KPNA6: variants seen among roughly 807,000 people sequenced by gnomAD.
KPNA6 encodes the protein importin subunit alpha-7.
In KPNA6, 9 loss-of-function variants were observed where a neutral mutation model predicts 72.0. The ratio of observed to expected loss-of-function variants is 0.13; its 90% confidence interval spans 0.08 to 0.22. The LOEUF (loss-of-function observed/expected upper bound fraction) is 0.22. KPNA6 is among the 10% of genes least tolerant of loss of function. The pLI is 1.00. For synonymous variants in KPNA6, 219 were observed against 242.1 expected, an observed-to-expected ratio of 0.90 and a Z score of 0.89; for missense variants, 374 against 655.7, an observed-to-expected ratio of 0.57 and a Z score of 4.69.
At chr1:32,145,116 C>T (rs533133947) in intron 1 of KPNA6, among the ~76,000 whole-genome samples, 1 of 151,838 alleles carries the variant, frequency 6.6e-6, no homozygotes, top group Non-Finnish European at 1.5e-5. Flanking sequence ...CCACACCCAG[C>T]TAATTTTTTT....
intron 1 of KPNA6, among the ~76,000 whole-genome samples, chr1:32,133,765 G>T (rs565055379): frequency 2.6e-5 from 4 of 152,300 alleles, no homozygotes; most frequent in Admixed American, 6.5e-5. Flanking sequence ...GGCAGCATGG[G>T]CGTGGTGGCT....
In KPNA6 at chr1:32,170,965, G is replaced by A. The variant is rs1438797902; in HGVS notation, c.*71G>A. ...GCGGAAGAGCAGCCCTCTGGTGGGC[G>A]GGAAACCAGTGTCCCCACCATCAGC... On this transcript the variant is annotated 3_prime_UTR_variant, in exon 14 of 14. Transcript: ENST00000373625. 7.1e-6 allele frequency: 10 copies of A among 1,407,364 alleles called. No homozygotes were observed. The highest frequency in any genetic ancestry group is 4.6e-5 in the East Asian group (2 of 43,470). The allele number at this position is 1,407,364 out of a possible 1,614,324, so 87.2% of individuals were successfully genotyped here.
In KPNA6 at chr1:32,160,604, C is replaced by T; in HGVS notation, c.559-11C>T. 6.2e-7 allele frequency: 1 copy of T among 1,610,672 alleles called. No individual in the cohort carries two copies. Among genetic ancestry groups the T allele is most frequent in the Non-Finnish European group, 8.5e-7 (1 of 1,176,920 alleles). On this transcript the variant is annotated splice_polypyrimidine_tract_variant and intron_variant, in intron 6 of 13. Coordinates refer to ENST00000373625, the MANE Select transcript of KPNA6 (RefSeq NM_012316.5). ...GCTTTGTGGGTGACAGTTTCATTAT[C>T]CCCTTTTCAGGCAGTCTGGGCACTG...
In KPNA6 at chr1:32,162,625, A is replaced by G. The variant is rs1642259190; in HGVS notation, c.911+101A>G. 4.7e-6 allele frequency: 6 copies of G among 1,271,178 alleles called. No individual in the cohort carries two copies. In the Admixed American group the frequency reaches 1.1e-4, roughly 23 times the overall value. 78.7% of individuals were successfully genotyped at this position (1,271,178 alleles called of 1,614,324 possible). A position where few individuals can be genotyped will look rare whatever the true frequency, so the allele number is the denominator to read the frequency against. ...GCCAAGGTGGGCGGATCACAAGGTCAGGAGTTCGAGACCAGCCTGACCAAC... is the reference window on the plus strand; with the variant it reads ...GCCAAGGTGGGCGGATCACAAGGTCGGGAGTTCGAGACCAGCCTGACCAAC... On this transcript the variant is annotated intron_variant, in intron 9 of 13. Coordinates refer to ENST00000373625, the MANE Select transcript of KPNA6 (RefSeq NM_012316.5).
chr1:32,164,030 G>A (rs1642287759), intron 10 of KPNA6, among the ~76,000 whole-genome samples: 1 of 152,072 alleles, frequency 6.6e-6, no homozygotes, highest in African/African-American at 2.4e-5. Context: ...ATCTCAAACT[G>A]AAACCGTACA....
At chr1:32,136,102 A>G (rs147075940) in intron 1 of KPNA6, among the ~76,000 whole-genome samples, 16 of 152,102 alleles carry the variant, frequency 1.1e-4, no homozygotes, top group African/African-American at 3.9e-4. Context: ...TGTGTCTTAC[A>G]GGGACTAATA....
chr1:32,160,712 T>G lies in KPNA6; in HGVS notation c.647+9T>G. 1.2e-6 allele frequency: 2 copies of G among 1,608,156 alleles called. No individual in the cohort carries two copies. The highest frequency in any genetic ancestry group is 1.7e-6 in the Non-Finnish European group (2 of 1,174,562). On this transcript the variant is annotated intron_variant, in intron 7 of 13. Transcript: ENST00000373625. ...CTTAATCCTTTGTTAACGTGAGTAA[T>G]TATAATCATCTGTACCTGGGCGTCT... is the stretch of plus-strand genomic sequence containing the variant.
intron 1 of KPNA6, among the ~76,000 whole-genome samples, chr1:32,120,020 GC>G (rs1465042841): frequency 6.6e-6 from 1 of 151,464 alleles, no homozygotes; most frequent in African/African-American, 2.4e-5. Flanking sequence ...ACAGGTGTGA[GC>G]CACCACGCCC....
rs549660528 is a variant in KPNA6 at position 32,152,141 on chromosome 1, C to T, written c.5-2447C>T. ...GACAGGAGTTCAAGACCAGCCTAGA[C>T]GATATAGTGAGACCCCCATCTCTAC... On this transcript the variant is annotated intron_variant, in intron 1 of 13. Coordinates refer to ENST00000373625, the MANE Select transcript of KPNA6 (RefSeq NM_012316.5). Among the ~76,000 whole-genome samples, 34 of 151,812 alleles carry T rather than the reference C, an allele frequency of 2.2e-4. No individual in the cohort carries two copies. In the South Asian group the frequency reaches 6.7e-3, roughly 30 times the overall value.
chr1:32,156,721 T>G (rs1471650460), intron 2 of KPNA6, 132 bp from the exon 3 acceptor site: 2 of 614,798 alleles, frequency 3.3e-6, no homozygotes, highest in African/African-American at 3.7e-5. Flanking sequence ...GGGAGACTAA[T>G]GTATAAAGCT....
intron 2 of KPNA6, among the ~76,000 whole-genome samples, chr1:32,156,146 A>T (rs1570055592): frequency 4.0e-5 from 6 of 150,788 alleles, no homozygotes; most frequent in Admixed American, 4.0e-4. Flanking sequence ...CCTGTTGCCC[A>T]GGTTGGAGTA....
chr1:32,132,729 C>T (rs918220231), intron 1 of KPNA6, among the ~76,000 whole-genome samples: 2 of 152,230 alleles, frequency 1.3e-5, no homozygotes, highest in Non-Finnish European at 2.9e-5. Flanking sequence ...CGGTGAAACC[C>T]CGTCTCTACT....
chr1:32,167,738 T>C (rs900117443), intron 12 of KPNA6, among the ~76,000 whole-genome samples: 6 of 151,796 alleles, frequency 4.0e-5, no homozygotes, highest in African/African-American at 1.2e-4. Context: ...TGGTGGCATG[T>C]GCCTATAGTC....
chr1:32,132,442 G>A (rs896840273), intron 1 of KPNA6, among the ~76,000 whole-genome samples: 1 of 152,154 alleles, frequency 6.6e-6, no homozygotes, highest in Non-Finnish European at 1.5e-5. Context: ...ATAGGCACAT[G>A]CCCCCATGTC....
intron 1 of KPNA6, among the ~76,000 whole-genome samples, chr1:32,124,748 C>G (rs1014779630): frequency 6.6e-6 from 1 of 151,620 alleles, no homozygotes; most frequent in Admixed American, 6.6e-5. Flanking sequence ...CTCAGGCAAT[C>G]CTTCCGCCTT....
intron 13 of KPNA6, among the ~76,000 whole-genome samples, chr1:32,170,483 C>G (rs576178027): frequency 6.6e-6 from 1 of 152,296 alleles, no homozygotes; most frequent in South Asian, 2.1e-4. Context: ...AAAGCAGAAT[C>G]AGGACTAGAA....
In KPNA6 at chr1:32,119,017, TA is replaced by T. The variant is rs59784680; in HGVS notation, c.4+10884del. ...GTATACATATATATATATATATATA[TA>T]TATATATATATATATTTTTTTTTTT... On this transcript the variant is annotated intron_variant, in intron 1 of 13. Coordinates refer to ENST00000373625, the MANE Select transcript of KPNA6 (RefSeq NM_012316.5). Among the ~76,000 whole-genome samples, 368 of 77,232 alleles carry T rather than the reference TA, an allele frequency of 4.8e-3. 5 individuals carry two copies. Among genetic ancestry groups the T allele is most frequent in the East Asian group, 8.5e-3 (23 of 2,710 alleles). The allele number at this position is 77,232 out of a possible 152,430, so 50.7% of individuals were successfully genotyped here.
In KPNA6 at chr1:32,171,088, CT is replaced by C; in HGVS notation, c.*195del. On this transcript the variant is annotated 3_prime_UTR_variant, in exon 14 of 14. Transcript: ENST00000373625. ...TCTGGACAGACAGAACCATCTGAGG[CT>C]CACCTTTGGGTTTTGTGACAAGAAG... The C allele has an allele frequency of 1.7e-6, 1 of 586,212 alleles. No homozygotes were observed. Among genetic ancestry groups the C allele is most frequent in the Admixed American group, 3.0e-5 (1 of 33,662 alleles). 36.3% of individuals were successfully genotyped at this position (586,212 alleles called of 1,614,324 possible).
Position 32,169,939 on chromosome 1 carries a change from T to C in KPNA6, c.1302T>C (p.Asp434=), listed in dbSNP as rs777002762. The change falls in exon 13 of 14, where the codon GAT becomes GAC. Residue 434 remains aspartate (D), a synonymous_variant. Transcript: ENST00000373625. Reference sequence around the variant, plus strand: ...TATGTGACTTGCTGACTGTAATGGATTCGAAGATTGTGCAAGTGGCCCTCA... The same window carrying C: ...TATGTGACTTGCTGACTGTAATGGACTCGAAGATTGTGCAAGTGGCCCTCA... ...KPLCDLLTVM[D]SKIVQVALNG... is the part of the protein sequence containing the mutation. 1 of 1,613,968 alleles carries C rather than the reference T, an allele frequency of 6.2e-7. No homozygotes were observed. Among genetic ancestry groups the C allele is most frequent in the Non-Finnish European group, 8.5e-7 (1 of 1,179,978 alleles).
Sources: allele counts gnomAD v4.1 joint callset (sites outside exome capture counted in the v4.1 genomes callset), GRCh38; gene constraint gnomAD v4.1.1; transcripts MANE v1.5; gene names NCBI Gene and HGNC (gene_info 2026-07-23, HGNC 2026-07-21).